The following CRY1 variants were observed in gnomAD, a reference collection of about 807,000 sequenced individuals.
The protein encoded by CRY1 is cryptochrome circadian regulator 1.
In CRY1, 45 loss-of-function variants were observed where a neutral mutation model predicts 76.0. The ratio of observed to expected loss-of-function variants is 0.59; its 90% CI spans 0.47 to 0.76. The LOEUF is 0.76. Among genes scored for constraint, CRY1 ranks in the 30% least tolerant of loss-of-function variants. The probability of loss-of-function intolerance (pLI) is 0.00; values close to 1 mark genes in which losing one functional copy is unlikely to be tolerated. For synonymous variants in CRY1, 248 were observed against 244.0 expected, an observed-to-expected ratio of 1.02 and a Z score of -0.15; for missense variants, 587 against 716.4, an observed-to-expected ratio of 0.82 and a Z score of 2.06.
intron 7 of CRY1, among the ~76,000 whole-genome samples, chr12:106,998,602 A>G (rs1952259870): frequency 6.6e-6 from 1 of 151,630 alleles, no homozygotes; most frequent in Admixed American, 6.6e-5. Context: ...TATATTCATT[A>G]AGTATGTTAT....
chr12:107,088,448 C>T (rs1444398424), intron 1 of CRY1, among the ~76,000 whole-genome samples: 1 of 152,122 alleles, frequency 6.6e-6, no homozygotes, highest in Admixed American at 6.5e-5. Flanking sequence ...TATAAATTAC[C>T]CACCCTCAGG....
chr12:107,037,777 T>C (rs1156595572), intron 1 of CRY1, among the ~76,000 whole-genome samples: 5 of 152,132 alleles, frequency 3.3e-5, no homozygotes, highest in Admixed American at 1.3e-4. Flanking sequence ...GGCATGATCA[T>C]AGCTCACTGC....
In CRY1 at chr12:107,077,270, C is replaced by T. The variant is rs1953268066; in HGVS notation, c.158+15534G>A. On this transcript the variant is annotated intron_variant, in intron 1 of 12. Coordinates refer to ENST00000008527, the MANE Select transcript of CRY1 (RefSeq NM_004075.5). ...CTTTCACAATTGTATTTGCAGATTT[C>T]CACAGAGGTCCTTTTTAACATTGTA... 3.3e-5 allele frequency among the ~76,000 whole-genome samples: 5 copies of T among 152,172 alleles called. No individual in the cohort carries two copies. The South Asian group carries it at 1.0e-3, about 31-fold the overall frequency.
At chr12:107,069,353 T>C (rs1034590400) in intron 1 of CRY1, among the ~76,000 whole-genome samples, 1 of 151,146 alleles carries the variant, frequency 6.6e-6, no homozygotes, top group Non-Finnish European at 1.5e-5. Context: ...GCCTCCCGAG[T>C]AGCTGGGACT....
chr12:107,089,386 G>A (rs919814469), intron 1 of CRY1, among the ~76,000 whole-genome samples: 5 of 152,000 alleles, frequency 3.3e-5, no homozygotes, highest in African/African-American at 9.7e-5. Flanking sequence ...CCAGGCTGGA[G>A]TGCAGTAGCC....
chr12:107,036,310 C>T (rs1333103049), intron 1 of CRY1, among the ~76,000 whole-genome samples: 3 of 152,192 alleles, frequency 2.0e-5, no homozygotes, highest in Admixed American at 2.0e-4. Context: ...CTTTCATAGT[C>T]CACATCTAAA....
chr12:107,022,461 A>G (rs1249110367), intron 1 of CRY1, among the ~76,000 whole-genome samples: 1 of 152,068 alleles, frequency 6.6e-6, no homozygotes, highest in Non-Finnish European at 1.5e-5. Flanking sequence ...TGTGAACATA[A>G]AAACATACAA....
intron 1 of CRY1, among the ~76,000 whole-genome samples, chr12:107,054,040 A>T (rs1952954091): frequency 6.6e-6 from 1 of 152,214 alleles, no homozygotes; most frequent in Admixed American, 6.5e-5. Context: ...TACATCTGAG[A>T]TAAAAGAAAA....
intron 1 of CRY1, among the ~76,000 whole-genome samples, chr12:107,078,203 T>C (rs552158448): frequency 1.3e-5 from 2 of 152,306 alleles, no homozygotes; most frequent in South Asian, 4.1e-4. Flanking sequence ...TTTACAGAGT[T>C]GTGAAACAGC....
intron 1 of CRY1, among the ~76,000 whole-genome samples, chr12:107,062,371 G>C (rs1953058694): frequency 1.3e-5 from 2 of 152,054 alleles, no homozygotes; most frequent in Admixed American, 1.3e-4. Flanking sequence ...ATCATGATTA[G>C]GAAGCAAAAT....
chr12:107,046,982 T>C (rs1272804598), intron 1 of CRY1, among the ~76,000 whole-genome samples: 1 of 152,000 alleles, frequency 6.6e-6, no homozygotes. Context: ...CAGAAGAAAA[T>C]CAACAAAGAA....
intron 1 of CRY1, among the ~76,000 whole-genome samples, chr12:107,062,160 T>A (rs1953056611): frequency 2.0e-5 from 3 of 152,100 alleles, no homozygotes; most frequent in Admixed American, 2.0e-4. Context: ...AGTAACTTTT[T>A]ATTGACATCG....
In CRY1 at chr12:107,050,943, G is replaced by A. The variant is rs79487478; in HGVS notation, c.159-28751C>T. The stretch of plus-strand genomic sequence containing the variant: ...AAAGATTCAGACACTTTGATAAGGA[G>A]ACTTAACAGGAAGTGAGTATGAGAG... On this transcript the variant is annotated intron_variant, in intron 1 of 12. Coordinates refer to ENST00000008527, the MANE Select transcript of CRY1 (RefSeq NM_004075.5). Among the ~76,000 whole-genome samples, 1,131 of 152,150 alleles carry A rather than the reference G, an allele frequency of 7.4e-3. 50 individuals are homozygous for A. In the East Asian group the frequency reaches 0.13, roughly 17 times the overall value.
chr12:107,001,891 G>T lies in CRY1; in HGVS notation c.468C>A (p.Leu156=). ...PPLTYKRFQT[L]ISKMEPLEIP... is the part of the protein sequence containing the mutation. Reference sequence around the variant, plus strand: ...TCTCTAGTGGTTCCATTTTGCTGATGAGAGTCTGGAATCTTTTATAAGTTA... The same window carrying T: ...TCTCTAGTGGTTCCATTTTGCTGATTAGAGTCTGGAATCTTTTATAAGTTA... The change falls in exon 4 of 13, where the codon CTC becomes CTA. Residue 156 remains leucine (L), a synonymous_variant. Coordinates refer to ENST00000008527, the MANE Select transcript of CRY1 (RefSeq NM_004075.5). 6.2e-7 allele frequency: 1 copy of T among 1,601,016 alleles called. No homozygotes were observed.
At chr12:107,058,139 C>A (rs1352938540) in intron 1 of CRY1, among the ~76,000 whole-genome samples, 1 of 152,116 alleles carries the variant, frequency 6.6e-6, no homozygotes, top group African/African-American at 2.4e-5. Flanking sequence ...GAGAATATAA[C>A]TCCTTTTAAA....
chr12:107,005,345 G>A, intron 2 of CRY1, 97 bp from the exon 3 acceptor site: 73 of 1,258,168 alleles, frequency 5.8e-5, no homozygotes, highest in South Asian at 2.5e-4. Flanking sequence ...ACATATCAAA[G>A]GATTATACAT....
intron 2 of CRY1, 148 bp downstream of exon 2, chr12:107,021,936 T>A: frequency 1.7e-6 from 1 of 582,336 alleles, no homozygotes; most frequent in Non-Finnish European, 3.0e-6. Context: ...GTATAGCTTT[T>A]TCATTAAATA....
At chr12:107,015,344 C>CTT (rs3835384) in intron 2 of CRY1, among the ~76,000 whole-genome samples, 6 of 145,358 alleles carry the variant, frequency 4.1e-5, no homozygotes, top group South Asian at 2.2e-4. Flanking sequence ...CCTATCTACT[C>CTT]TTTTTTTTTT....
chr12:106,992,838 T>C lies in CRY1; in HGVS notation c.1710A>G (p.Glu570=). ...TAGGACCAATACTCTGTGTGTCCTC[T>C]TCCTGACTAGGACGTTTCCCACCAC... ...GLSGGKRPSQ[E]EDTQSIGPKV... The change falls in exon 12 of 13, where the codon GAA becomes GAG. Residue 570 remains glutamate (E), a synonymous_variant. Transcript: ENST00000008527. 6.2e-7 allele frequency: 1 copy of C among 1,614,088 alleles called. No individual in the cohort carries two copies.
Sources: allele counts gnomAD v4.1 joint callset (sites outside exome capture counted in the v4.1 genomes callset), GRCh38; gene constraint gnomAD v4.1.1; transcripts MANE v1.5; gene names NCBI Gene and HGNC (gene_info 2026-07-23, HGNC 2026-07-21).